The following RRAS2 variants were observed in gnomAD, a reference collection of about 807,000 sequenced individuals.
RRAS2 encodes the protein ras-related protein R-Ras2.
Under a neutral mutation model 27.6 loss-of-function variants are expected in RRAS2, and 7 were observed. That is an observed-to-expected ratio of 0.25 (90% CI 0.14 to 0.48). The LOEUF is 0.48. RRAS2 is among the 20% of genes least tolerant of loss of function. RRAS2 has a pLI of 0.99. For missense variants in RRAS2, 178 were observed against 256.2 expected, an observed-to-expected ratio of 0.69 and a Z score of 2.08; for synonymous variants, 86 against 90.9, an observed-to-expected ratio of 0.95 and a Z score of 0.31.
At chr11:14,324,934 T>G (rs1848316976) in intron 1 of RRAS2, among the ~76,000 whole-genome samples, 1 of 152,178 alleles carries the variant, frequency 6.6e-6, no homozygotes, top group Non-Finnish European at 1.5e-5. Context: ...ATAACTAGTT[T>G]ATGCATGTGG....
intron 1 of RRAS2, among the ~76,000 whole-genome samples, chr11:14,307,992 A>G (rs536655334): frequency 2.0e-5 from 3 of 152,340 alleles, no homozygotes; most frequent in African/African-American, 4.8e-5. Flanking sequence ...TGGAAACACA[A>G]TGTGCTTCAG....
intron 4 of RRAS2, among the ~76,000 whole-genome samples, chr11:14,286,842 G>T (rs1849671645): frequency 1.3e-5 from 2 of 152,136 alleles, no homozygotes; most frequent in South Asian, 4.1e-4. Context: ...AACTGATCAA[G>T]TTACCCGAAC....
chr11:14,292,602 T>TA (rs1564957009), intron 4 of RRAS2, among the ~76,000 whole-genome samples: 2 of 151,608 alleles, frequency 1.3e-5, no homozygotes, highest in Admixed American at 6.6e-5. Flanking sequence ...AAATTAAATC[T>TA]AAAAAAAATA....
chr11:14,301,212 T>C (rs1847693715), intron 1 of RRAS2, among the ~76,000 whole-genome samples: 1 of 152,216 alleles, frequency 6.6e-6, no homozygotes, highest in Non-Finnish European at 1.5e-5. Flanking sequence ...AACGTGTATA[T>C]GGTTGTAGGT....
chr11:14,364,167 CAA>C (rs1182767132), upstream of RRAS2, among the ~76,000 whole-genome samples: 1 of 152,206 alleles, frequency 6.6e-6, no homozygotes, highest in Non-Finnish European at 1.5e-5. Context: ...TCAGGACAAA[CAA>C]TGACCATCTC....
intron 1 of RRAS2, among the ~76,000 whole-genome samples, chr11:14,326,724 A>G (rs1174033105): frequency 6.6e-6 from 1 of 152,206 alleles, no homozygotes; most frequent in African/African-American, 2.4e-5. Flanking sequence ...ATCTTAAATC[A>G]CTTATAACAT....
At chr11:14,330,511 T>C (rs1415243477) in intron 1 of RRAS2, among the ~76,000 whole-genome samples, 1 of 151,980 alleles carries the variant, frequency 6.6e-6, no homozygotes, top group Non-Finnish European at 1.5e-5. Context: ...CTGTTTCAAT[T>C]AAAAAACAAA....
intron 4 of RRAS2, among the ~76,000 whole-genome samples, chr11:14,283,524 T>C (rs945523819): frequency 1.3e-5 from 2 of 152,218 alleles, no homozygotes; most frequent in African/African-American, 2.4e-5. Flanking sequence ...CACCGGCAAA[T>C]CTATCTGGGC....
chr11:14,318,220 C>T (rs1322190306), intron 1 of RRAS2, among the ~76,000 whole-genome samples: 4 of 152,006 alleles, frequency 2.6e-5, no homozygotes, highest in African/African-American at 9.7e-5. Flanking sequence ...TGAGTGCAGC[C>T]GGGCGTGGTG....
intron 1 of RRAS2, among the ~76,000 whole-genome samples, chr11:14,348,845 C>G (rs1554954412): frequency 1.3e-5 from 2 of 152,198 alleles, no homozygotes; most frequent in Admixed American, 6.5e-5. Flanking sequence ...GCTAGGTGAT[C>G]TCATTGCTAA....
chr11:14,319,345 C>CTTTTTTTTTTTTTT (rs1156654694), intron 1 of RRAS2, among the ~76,000 whole-genome samples: 3 of 91,516 alleles, frequency 3.3e-5, no homozygotes, highest in African/African-American at 4.5e-5. Context: ...TTCCCTCTGT[C>CTTTTTTTTTTTTTT]TTTTTTTTTT....
chr11:14,317,148 A>AG (rs1554949652), intron 1 of RRAS2, among the ~76,000 whole-genome samples: 2 of 152,260 alleles, frequency 1.3e-5, no homozygotes, highest in Non-Finnish European at 2.9e-5. Context: ...CTACCCTTAT[A>AG]GGTGTTGGGT....
rs146036712 is a variant in RRAS2 at position 14,300,616 on chromosome 11, T to C, written c.109-4761A>G. ...CAAAAAAAATTGATCTGGGTAAGTT[T>C]GTCAGAAGCCCCTAATAATGCCAAA... On this transcript the variant is annotated intron_variant, in intron 1 of 5. Coordinates refer to ENST00000256196, the MANE Select transcript of RRAS2 (RefSeq NM_012250.6). Among the ~76,000 whole-genome samples, 323 of 152,202 alleles carry C rather than the reference T, an allele frequency of 2.1e-3. 2 individuals are homozygous for C. Among genetic ancestry groups the C allele is most frequent in the African/African-American group, 6.9e-3 (285 of 41,520 alleles).
chr11:14,330,998 C>A (rs1482652909), intron 1 of RRAS2, among the ~76,000 whole-genome samples: 1 of 152,154 alleles, frequency 6.6e-6, no homozygotes, highest in Non-Finnish European at 1.5e-5. Context: ...TTCACTGCAG[C>A]CTCAAACTGC....
chr11:14,288,124 G>A (rs2133951969), intron 4 of RRAS2, among the ~76,000 whole-genome samples: 1 of 152,212 alleles, frequency 6.6e-6, no homozygotes, highest in Non-Finnish European at 1.5e-5. Flanking sequence ...GGGACTACAG[G>A]CACGTGCCAC....
intron 1 of RRAS2, among the ~76,000 whole-genome samples, chr11:14,302,431 G>A (rs374895734): frequency 6.6e-6 from 1 of 152,178 alleles, no homozygotes; most frequent in Non-Finnish European, 1.5e-5. Context: ...TGGAGTCGGA[G>A]AGCCTGAAAT....
At chr11:14,296,418 C>T (rs1329777900) in intron 1 of RRAS2, among the ~76,000 whole-genome samples, 1 of 152,070 alleles carries the variant, frequency 6.6e-6, no homozygotes, top group Non-Finnish European at 1.5e-5. Context: ...CTGAAATATG[C>T]AAGACTGTAA....
At chr11:14,298,377 C>T (rs1554946955) in intron 1 of RRAS2, among the ~76,000 whole-genome samples, 2 of 152,170 alleles carry the variant, frequency 1.3e-5, no homozygotes. Context: ...TGTGACAGTT[C>T]TTGGCGTTGT....
intron 2 of RRAS2, 60 bp from the exon 3 acceptor site, chr11:14,294,922 G>A (rs1326407249): frequency 2.1e-6 from 3 of 1,431,554 alleles, no homozygotes; most frequent in Non-Finnish European, 2.0e-6. Context: ...TCCCCACAAG[G>A]GCAAGACCAA....
Sources: gnomAD v4.1 joint callset for allele counts (sites outside exome capture counted in the v4.1 genomes callset) on GRCh38, gnomAD v4.1.1 for gene constraint, MANE v1.5 for transcripts, NCBI Gene and HGNC (gene_info 2026-07-23, HGNC 2026-07-21) for gene names.